The following CTNND2 variants were observed in gnomAD, a reference collection of about 807,000 sequenced individuals.
CTNND2 encodes catenin delta-2.
In CTNND2, 22 loss-of-function variants were observed where a neutral mutation model predicts 144.4. The ratio of observed to expected loss-of-function variants is 0.15; its 90% CI spans 0.11 to 0.22. The LOEUF is 0.22. Among genes scored for constraint, CTNND2 ranks in the 10% least tolerant of loss-of-function variants. The pLI is 1.00. For missense variants in CTNND2, 1,353 were observed against 1,618.8 expected (o/e 0.84, Z 2.82); for synonymous variants, 751 against 695.6 (o/e 1.08, Z -1.25).
chr5:11,653,755 G>GT (rs1418439878), intron 2 of CTNND2, among the ~76,000 whole-genome samples: 151 of 143,532 alleles, frequency 1.1e-3, no homozygotes, highest in Middle Eastern at 3.6e-3. Flanking sequence ...GGCTTGTTTG[G>GT]TTTTTTTTTT....
At chr5:11,841,255 T>A (rs1344704404) in intron 1 of CTNND2, among the ~76,000 whole-genome samples, 1 of 152,210 alleles carries the variant, frequency 6.6e-6, no homozygotes, top group Non-Finnish European at 1.5e-5. Flanking sequence ...CTTGTTGAAT[T>A]TCAGCATTGC....
intron 5 of CTNND2, among the ~76,000 whole-genome samples, chr5:11,401,115 T>G (rs1760612662): frequency 6.6e-6 from 1 of 152,130 alleles, no homozygotes. Flanking sequence ...AAAATCAATC[T>G]CAGAAGATGT....
chr5:11,264,308 G>A (rs1183272253), intron 9 of CTNND2, among the ~76,000 whole-genome samples: 1 of 152,192 alleles, frequency 6.6e-6, no homozygotes, highest in Non-Finnish European at 1.5e-5. Flanking sequence ...AGTAAGTTAT[G>A]AGGTCATATT....
At position 11,230,126 on chromosome 5, in the gene CTNND2, C is replaced by T. The variant is rs1385388018; in HGVS notation, c.1761+6565G>A. 2.1e-5 allele frequency among the ~76,000 whole-genome samples: 3 copies of T among 146,000 alleles called. No homozygotes were observed. In the East Asian group the frequency reaches 6.1e-4, roughly 30 times the overall value. On this transcript the variant is annotated intron_variant, in intron 10 of 21. Coordinates refer to ENST00000304623, the MANE Select transcript of CTNND2 (RefSeq NM_001332.4). ...GTAAACTATCGCAAGAACAAAAAAC[C>T]AAACACCACATATTCTCACTCATAG...
At chr5:11,185,331 A>C (rs1374282110) in intron 11 of CTNND2, among the ~76,000 whole-genome samples, 1 of 152,164 alleles carries the variant, frequency 6.6e-6, no homozygotes, top group African/African-American at 2.4e-5. Context: ...CAGAGCTCAC[A>C]TCTACATCAT....
intron 9 of CTNND2, among the ~76,000 whole-genome samples, chr5:11,317,986 C>A (rs1377518711): frequency 6.6e-6 from 1 of 152,086 alleles, no homozygotes. Flanking sequence ...GAGCAGAGTT[C>A]CAGAGTTAGG....
At chr5:11,500,066 AG>A (rs1192180137) in intron 3 of CTNND2, among the ~76,000 whole-genome samples, 1 of 152,094 alleles carries the variant, frequency 6.6e-6, no homozygotes, top group Non-Finnish European at 1.5e-5. Flanking sequence ...CGATCAATGA[AG>A]GGCATGTTTT....
At chr5:11,438,747 C>T (rs879827887) in intron 3 of CTNND2, among the ~76,000 whole-genome samples, 3 of 152,216 alleles carry the variant, frequency 2.0e-5, no homozygotes, top group South Asian at 4.2e-4. Flanking sequence ...ATAATTTAAT[C>T]GGTATCTAGA....
At chr5:11,017,739 G>A (rs1198620166) in intron 18 of CTNND2, among the ~76,000 whole-genome samples, 1 of 151,494 alleles carries the variant, frequency 6.6e-6, no homozygotes, top group Non-Finnish European at 1.5e-5. Flanking sequence ...TTTCTTTTCT[G>A]TAAGATGACT....
At chr5:11,366,486 C>T (rs1756990002) in intron 7 of CTNND2, among the ~76,000 whole-genome samples, 1 of 152,138 alleles carries the variant, frequency 6.6e-6, no homozygotes, top group South Asian at 2.1e-4. Flanking sequence ...CGATGAATGA[C>T]AGATTCAAAG....
intron 10 of CTNND2, among the ~76,000 whole-genome samples, chr5:11,220,625 G>A (rs1211744656): frequency 6.6e-6 from 1 of 152,150 alleles, no homozygotes; most frequent in Non-Finnish European, 1.5e-5. Flanking sequence ...AGCTTGAAAG[G>A]AAACTGTGCA....
chr5:11,309,068 T>C (rs907876282), intron 9 of CTNND2, among the ~76,000 whole-genome samples: 32 of 152,262 alleles, frequency 2.1e-4, no homozygotes, highest in Non-Finnish European at 3.4e-4. Context: ...TCACCAGTCC[T>C]GTCTTCCAAC....
intron 3 of CTNND2, among the ~76,000 whole-genome samples, chr5:11,424,975 T>A (rs191736121): frequency 4.6e-4 from 70 of 152,306 alleles, no homozygotes; most frequent in African/African-American, 1.6e-3. Context: ...GAAAGAGTTA[T>A]CCCTGGAGCA....
At chr5:11,319,514 C>A (rs749751512) in intron 9 of CTNND2, among the ~76,000 whole-genome samples, 4 of 151,834 alleles carry the variant, frequency 2.6e-5, no homozygotes, top group Admixed American at 2.6e-4. Flanking sequence ...TTTATTTATT[C>A]GTTTATTTTT....
chr5:11,244,937 A>T (rs1431362493), intron 9 of CTNND2, among the ~76,000 whole-genome samples: 1 of 152,208 alleles, frequency 6.6e-6, no homozygotes, highest in African/African-American at 2.4e-5. Context: ...AATTATACCC[A>T]AGTTTTCACA....
At chr5:11,628,030 G>C (rs1781242628) in intron 2 of CTNND2, among the ~76,000 whole-genome samples, 1 of 151,954 alleles carries the variant, frequency 6.6e-6, no homozygotes, top group African/African-American at 2.4e-5. Context: ...TGTGCGGCCA[G>C]GTACCTAACA....
chr5:11,778,413 A>C (rs1457543223), intron 1 of CTNND2, among the ~76,000 whole-genome samples: 1 of 152,192 alleles, frequency 6.6e-6, no homozygotes, highest in African/African-American at 2.4e-5. Context: ...GATTCAGATC[A>C]GCCACTCCAA....
Position 11,364,908 on chromosome 5 carries a change from AG to A in CTNND2, c.1178-19del. ...GGAACCAGCTGAAATAAATCAACAG[AG>A]GGACATCAAAGCTCAGGCGACCTCC... On this transcript the variant is annotated intron_variant, in intron 7 of 21. Coordinates refer to ENST00000304623, the MANE Select transcript of CTNND2 (RefSeq NM_001332.4). The A allele has an allele frequency of 6.2e-7, 1 of 1,601,030 alleles. No homozygotes were observed. The highest frequency in any genetic ancestry group is 1.3e-5 in the African/African-American group (1 of 74,108).
chr5:11,786,563 A>C (rs1274126215), intron 1 of CTNND2, among the ~76,000 whole-genome samples: 1 of 152,236 alleles, frequency 6.6e-6, no homozygotes, highest in South Asian at 2.1e-4. Context: ...AGATGGGCAG[A>C]TAAAATGTTT....
Sources: allele counts gnomAD v4.1 joint callset (sites outside exome capture counted in the v4.1 genomes callset), GRCh38; gene constraint gnomAD v4.1.1; transcripts MANE v1.5; gene names NCBI Gene and HGNC (gene_info 2026-07-23, HGNC 2026-07-21).